The following MAF variants were observed in gnomAD, a reference collection of about 807,000 sequenced individuals.
MAF encodes transcription factor Maf.
Under a neutral mutation model 22.0 loss-of-function variants are expected in MAF, and 10 were observed. The ratio of observed to expected loss-of-function variants is 0.45; its 90% CI spans 0.28 to 0.77. The LOEUF is 0.77. Among genes scored for constraint, MAF ranks in the 30% least tolerant of loss-of-function variants. The pLI, the probability that MAF is intolerant of heterozygous loss-of-function variation, is 0.12. For missense variants in MAF, 544 were observed against 548.4 expected (o/e 0.99, Z 0.08); for synonymous variants, 337 against 255.8 (o/e 1.32, Z -3.03).
chr16:79,299,672 A>G, the MAF span, among the ~76,000 whole-genome samples: 1 of 152,094 alleles, frequency 6.6e-6, no homozygotes, highest in Non-Finnish European at 1.5e-5. Context: ...GCACAGTGAC[A>G]TGGCACAGTG....
chr16:79,405,791 G>C, the MAF span, among the ~76,000 whole-genome samples: 1 of 152,198 alleles, frequency 6.6e-6, no homozygotes, highest in Non-Finnish European at 1.5e-5. Context: ...ACAGTGCAAA[G>C]AGAGGTAGGA....
chr16:79,352,229 G>C, the MAF span, among the ~76,000 whole-genome samples: 1 of 152,144 alleles, frequency 6.6e-6, no homozygotes, highest in Non-Finnish European at 1.5e-5. Flanking sequence ...GCCAAGCTCC[G>C]GGCAAGAATA....
At chr16:79,477,644 T>G in the MAF span, among the ~76,000 whole-genome samples, 4 of 152,188 alleles carry the variant, frequency 2.6e-5, no homozygotes, top group African/African-American at 9.7e-5. Flanking sequence ...TTCACCTGAA[T>G]TATCCATGTA....
the MAF span, among the ~76,000 whole-genome samples, chr16:79,379,050 A>G: frequency 6.6e-6 from 1 of 152,232 alleles, no homozygotes; most frequent in African/African-American, 2.4e-5. Flanking sequence ...TCTCTTTGCC[A>G]GGAGGCATCA....
chr16:79,410,616 C>A, the MAF span, among the ~76,000 whole-genome samples: 1 of 152,146 alleles, frequency 6.6e-6, no homozygotes, highest in Non-Finnish European at 1.5e-5. Context: ...AGAAGGTCAA[C>A]CATGGCAACC....
At chr16:79,292,813 C>T in the MAF span, among the ~76,000 whole-genome samples, 1 of 152,164 alleles carries the variant, frequency 6.6e-6, no homozygotes, top group Non-Finnish European at 1.5e-5. Context: ...TCTGGTCGTC[C>T]TCACTGCTCA....
chr16:79,422,681 G>A, the MAF span, among the ~76,000 whole-genome samples: 1 of 151,986 alleles, frequency 6.6e-6, no homozygotes, highest in East Asian at 1.9e-4. Context: ...TCTGGCTTTC[G>A]GGTGAGTATG....
At chr16:79,356,225 A>T in the MAF span, among the ~76,000 whole-genome samples, 60 of 152,282 alleles carry the variant, frequency 3.9e-4, no homozygotes, top group African/African-American at 1.4e-3. Flanking sequence ...CTTGCAATGC[A>T]CACATTCATG....
the MAF span, among the ~76,000 whole-genome samples, chr16:79,208,322 C>T: frequency 6.6e-6 from 1 of 151,984 alleles, no homozygotes; most frequent in Non-Finnish European, 1.5e-5. Flanking sequence ...ACACCTCCCC[C>T]GTTTCCCATG....
At chr16:79,213,311 C>T in the MAF span, among the ~76,000 whole-genome samples, 2 of 151,720 alleles carry the variant, frequency 1.3e-5, no homozygotes, top group African/African-American at 4.9e-5. Flanking sequence ...AAACAAACAC[C>T]ATTGCCCTCC....
At chr16:79,305,224 G>C in the MAF span, among the ~76,000 whole-genome samples, 3 of 152,228 alleles carry the variant, frequency 2.0e-5, no homozygotes, top group African/African-American at 7.2e-5. Flanking sequence ...CTTGGGCTCA[G>C]TGATGAATAA....
At chr16:79,526,270 A>G in the MAF span, among the ~76,000 whole-genome samples, 1 of 152,254 alleles carries the variant, frequency 6.6e-6, no homozygotes, top group Non-Finnish European at 1.5e-5. Context: ...TCCACCTCAG[A>G]TTATCAGGCA....
chr16:79,269,101 G>A, the MAF span, among the ~76,000 whole-genome samples: 1 of 152,136 alleles, frequency 6.6e-6, no homozygotes, highest in Non-Finnish European at 1.5e-5. Context: ...CCTGGGACCT[G>A]TCTCTATGTT....
chr16:79,202,832 G>C, the MAF span: 12 of 152,090 alleles, frequency 7.9e-5, no homozygotes, highest in African/African-American at 2.9e-4. Flanking sequence ...GTCTACATAG[G>C]GGAAGAGAAA....
chr16:79,421,479 G>C, the MAF span, among the ~76,000 whole-genome samples: 1 of 152,174 alleles, frequency 6.6e-6, no homozygotes, highest in Non-Finnish European at 1.5e-5. Flanking sequence ...ACAGTATGTA[G>C]TCTTTTCAGA....
chr16:79,472,707 T>C, the MAF span, among the ~76,000 whole-genome samples: 1 of 152,092 alleles, frequency 6.6e-6, no homozygotes, highest in Admixed American at 6.6e-5. Flanking sequence ...GCGATGGTTG[T>C]ACAACTCTAT....
the MAF span, among the ~76,000 whole-genome samples, chr16:79,502,688 TAAATATAAATATAAATATAA>T: frequency 4.8e-4 from 7 of 14,596 alleles, no homozygotes; most frequent in South Asian, 0.017. Context: ...AATATAAATA[TAAATATAAATATAAATATAA>T]ATATATATAT....
intron 1 of MAF, chr16:79,597,504 T>C: frequency 9.8e-7 from 1 of 1,024,182 alleles, no homozygotes; most frequent in Non-Finnish European, 1.2e-6. Context: ...ACATTAAGAG[T>C]TCTTCAATGT....
the MAF span, among the ~76,000 whole-genome samples, chr16:79,308,501 T>C: frequency 1.3e-5 from 2 of 152,038 alleles, no homozygotes; most frequent in Non-Finnish European, 2.9e-5. Context: ...CCCATGGAAT[T>C]GTAGGGACCA....
Sources: allele counts gnomAD v4.1 joint callset (sites outside exome capture counted in the v4.1 genomes callset), GRCh38; gene constraint gnomAD v4.1.1; transcripts MANE v1.5; gene names NCBI Gene and HGNC (gene_info 2026-07-23, HGNC 2026-07-21).